The following CAMTA1 variants were observed in gnomAD, a reference collection of about 807,000 sequenced individuals.
CAMTA1 encodes the protein calmodulin-binding transcription activator 1.
CAMTA1 carries 27 observed loss-of-function variants against 170.9 expected under a neutral mutation model. That is an observed-to-expected ratio of 0.16 (90% CI 0.12 to 0.22). CAMTA1 has a LOEUF of 0.22. Among genes scored for constraint, CAMTA1 ranks in the 10% least tolerant of loss-of-function variants. The pLI is 1.00. For synonymous variants in CAMTA1, 833 were observed against 891.5 expected, an observed-to-expected ratio of 0.93 and a Z score of 1.17; for missense variants, 1,619 against 2,217.2, an observed-to-expected ratio of 0.73 and a Z score of 5.42.
chr1:6,911,716 C>T (rs1244754548), intron 3 of CAMTA1, among the ~76,000 whole-genome samples: 1 of 152,176 alleles, frequency 6.6e-6, no homozygotes, highest in Non-Finnish European at 1.5e-5. Context: ...TGGCTGAGCT[C>T]CTCATCTGAA....
intron 3 of CAMTA1, among the ~76,000 whole-genome samples, chr1:6,949,914 C>T (rs1688192100): frequency 6.6e-6 from 1 of 152,246 alleles, no homozygotes; most frequent in Non-Finnish European, 1.5e-5. Flanking sequence ...GCTGCATCCC[C>T]ATGGGACAGG....
At chr1:7,648,605 A>G (rs1468176584) in intron 7 of CAMTA1, among the ~76,000 whole-genome samples, 1 of 152,180 alleles carries the variant, frequency 6.6e-6, no homozygotes, top group African/African-American at 2.4e-5. Context: ...GGATAGGAGC[A>G]AATGGCTGAA....
chr1:6,900,282 A>T (rs1432011338), intron 3 of CAMTA1, among the ~76,000 whole-genome samples: 2 of 151,500 alleles, frequency 1.3e-5, no homozygotes, highest in Non-Finnish European at 3.0e-5. Flanking sequence ...GTAAGTTATC[A>T]TAGCCACCAG....
intron 3 of CAMTA1, among the ~76,000 whole-genome samples, chr1:6,836,502 A>G (rs1027845923): frequency 2.0e-5 from 3 of 152,218 alleles, no homozygotes; most frequent in Admixed American, 2.0e-4. Flanking sequence ...CCTGGAATTT[A>G]CATTTGGGGA....
At chr1:6,908,216 G>A (rs895241845) in intron 3 of CAMTA1, among the ~76,000 whole-genome samples, 1 of 152,118 alleles carries the variant, frequency 6.6e-6, no homozygotes, top group Non-Finnish European at 1.5e-5. Context: ...ATCATCCCAC[G>A]TCCTGTCCCC....
intron 3 of CAMTA1, among the ~76,000 whole-genome samples, chr1:6,917,428 C>G (rs913164869): frequency 6.6e-6 from 1 of 152,048 alleles, no homozygotes; most frequent in Non-Finnish European, 1.5e-5. Flanking sequence ...GTTAAGAGAC[C>G]AAGAACTTGC....
At chr1:7,761,061 G>A (rs1374072969) in intron 22 of CAMTA1, among the ~76,000 whole-genome samples, 2 of 152,186 alleles carry the variant, frequency 1.3e-5, no homozygotes, top group Non-Finnish European at 2.9e-5. Context: ...TGTTGCTTAC[G>A]ACATCACTTC....
chr1:7,353,997 A>G (rs1186532365), intron 5 of CAMTA1, among the ~76,000 whole-genome samples: 1 of 152,078 alleles, frequency 6.6e-6, no homozygotes, highest in Non-Finnish European at 1.5e-5. Flanking sequence ...TTTATAAGCG[A>G]GAACATGCAG....
intron 5 of CAMTA1, among the ~76,000 whole-genome samples, chr1:7,282,575 A>G (rs187882508): frequency 3.3e-5 from 5 of 152,122 alleles, no homozygotes; most frequent in Admixed American, 2.0e-4. Context: ...GGCTTCCTTG[A>G]CCTAGAAATC....
chr1:6,871,839 T>C lies in CAMTA1; in HGVS notation c.234+46629T>C. The stretch of plus-strand genomic sequence containing the variant: ...TTTGATCCCCTGACCTGCATTACCT[T>C]GGTAACCATTTCATTTTTTAATTTA... On this transcript the variant is annotated intron_variant, in intron 3 of 22. Coordinates refer to ENST00000303635, the MANE Select transcript of CAMTA1 (RefSeq NM_015215.4). 2.7e-6 allele frequency: 4 copies of C among 1,476,080 alleles called. No individual in the cohort carries two copies. The South Asian group carries it at 5.4e-5, about 20-fold the overall frequency. The allele number at this position is 1,476,080 out of a possible 1,614,324, so 91.4% of individuals were successfully genotyped here.
At chr1:6,817,938 T>A (rs1646028710) in intron 1 of CAMTA1, among the ~76,000 whole-genome samples, 1 of 152,212 alleles carries the variant, frequency 6.6e-6, no homozygotes, top group Non-Finnish European at 1.5e-5. Flanking sequence ...TTTATTTATA[T>A]GGACCCTGAA....
At chr1:7,729,726 T>C (rs2096717961) in intron 11 of CAMTA1, among the ~76,000 whole-genome samples, 1 of 152,222 alleles carries the variant, frequency 6.6e-6, no homozygotes, top group Non-Finnish European at 1.5e-5. Context: ...ATGAGGATAA[T>C]AACAACACCT....
intron 6 of CAMTA1, among the ~76,000 whole-genome samples, chr1:7,499,380 A>AGT (rs1274512887): frequency 2.4e-5 from 2 of 82,994 alleles, no homozygotes; most frequent in Non-Finnish European, 5.1e-5. Context: ...TATGTATATG[A>AGT]GTGTGTGTGT....
intron 4 of CAMTA1, among the ~76,000 whole-genome samples, chr1:7,137,825 T>C (rs1645628541): frequency 6.6e-6 from 1 of 152,088 alleles, no homozygotes; most frequent in Non-Finnish European, 1.5e-5. Flanking sequence ...CCCACATCCC[T>C]TCTCTCCATC....
chr1:7,663,485 A>G lies in CAMTA1; in HGVS notation c.938A>G (p.His313Arg), dbSNP rs765707281. The G allele has an allele frequency of 3.1e-6, 5 of 1,598,614 alleles. No homozygotes were observed. In the East Asian group the frequency reaches 1.1e-4, roughly 36 times the overall value. Residue 313 changes from histidine (H) to arginine (R), a missense_variant, in exon 9 of 23, where the codon CAC (histidine) becomes CGC (arginine). His to Arg is a conservative substitution (Grantham distance 29). Transcript: ENST00000303635. ...VQHNDVSEGK[H>R]EHSHSKGSSR... ...CACAATGACGTGTCGGAGGGCAAGC[A>G]CGAGCACAGCCACAGCAAGGGCTCC...
Position 6,882,821 on chromosome 1 carries a change from A to T in CAMTA1, c.234+57611A>T, listed in dbSNP as rs553520164. Among the ~76,000 whole-genome samples the T allele has an allele frequency of 4.6e-5, 7 of 152,216 alleles. No individual in the cohort carries two copies. The South Asian group carries it at 1.5e-3, about 32-fold the overall frequency. On this transcript the variant is annotated intron_variant, in intron 3 of 22. Coordinates refer to ENST00000303635, the MANE Select transcript of CAMTA1 (RefSeq NM_015215.4). Reference sequence around the variant, plus strand: ...CCAGACATGGAGCCCTGGGACACCCAATGTTAAGGGGAAGCGGGTAGAAGG... The same window carrying T: ...CCAGACATGGAGCCCTGGGACACCCTATGTTAAGGGGAAGCGGGTAGAAGG...
At chr1:7,008,654 T>G (rs960205251) in intron 3 of CAMTA1, 7 of 152,352 alleles carry the variant, frequency 4.6e-5, no homozygotes, top group African/African-American at 1.7e-4. Context: ...TCATCTTGAT[T>G]GTTTAAATTT....
At chr1:7,021,000 C>T (rs187514048) in intron 3 of CAMTA1, among the ~76,000 whole-genome samples, 1 of 152,364 alleles carries the variant, frequency 6.6e-6, no homozygotes, top group Admixed American at 6.5e-5. Context: ...GGGGTGTGGG[C>T]CACCCCGGCC....
At position 7,110,061 on chromosome 1, in the gene CAMTA1, T is replaced by C. The variant is rs146192488; in HGVS notation, c.302+18690T>C. Among the ~76,000 whole-genome samples the C allele has an allele frequency of 6.2e-3, 941 of 152,268 alleles. 17 individuals are homozygous for C. The highest frequency in any genetic ancestry group is 0.021 in the African/African-American group (892 of 41,532). On this transcript the variant is annotated intron_variant, in intron 4 of 22. Coordinates refer to ENST00000303635, the MANE Select transcript of CAMTA1 (RefSeq NM_015215.4). ...GAGGTGGCCTGAGGTGTTTCTGCAT[T>C]CAATTTATCTGAGTTTCAAGTGATT... is the stretch of plus-strand genomic sequence containing the variant.
Sources: allele counts gnomAD v4.1 joint callset (sites outside exome capture counted in the v4.1 genomes callset), GRCh38; gene constraint gnomAD v4.1.1; transcripts MANE v1.5; gene names NCBI Gene and HGNC (gene_info 2026-07-23, HGNC 2026-07-21).